PCDHGB7: variants seen among roughly 807,000 people sequenced by gnomAD.
PCDHGB7 encodes the protein protocadherin gamma-B7.
In PCDHGB7, 37 loss-of-function variants were observed where a neutral mutation model predicts 61.4. That is an observed-to-expected ratio of 0.60 (90% CI 0.46 to 0.79). The LOEUF (loss-of-function observed/expected upper bound fraction) is 0.79, where lower values mean the gene tolerates loss of function less well. PCDHGB7 is among the 30% of genes least tolerant of loss of function. The probability of loss-of-function intolerance (pLI) is 0.00; values close to 1 mark genes in which losing one functional copy is unlikely to be tolerated. For missense variants in PCDHGB7, 1,166 were observed against 1,202.5 expected, an observed-to-expected ratio of 0.97 and a Z score of 0.45; for synonymous variants, 464 against 503.5, an observed-to-expected ratio of 0.92 and a Z score of 1.05.
At chr5:141,427,484 T>C (rs766997973) in intron 1 of PCDHGB7, 7 of 539,726 alleles carry the variant, frequency 1.3e-5, no homozygotes, top group Non-Finnish European at 2.5e-5. Context: ...ATAATGACTA[T>C]AAGCTTGTAA....
intron 1 of PCDHGB7, among the ~76,000 whole-genome samples, chr5:141,483,203 A>T (rs940487337): frequency 1.3e-5 from 2 of 152,204 alleles, no homozygotes; most frequent in African/African-American, 2.4e-5. Flanking sequence ...ATTTTATTCC[A>T]TATAGATGAC....
At chr5:141,426,879 G>C (rs1222564201) in intron 1 of PCDHGB7, 3 of 456,710 alleles carry the variant, frequency 6.6e-6, no homozygotes, top group Non-Finnish European at 1.3e-5. Context: ...GAAGCCCCTG[G>C]GCCAGGAGCA....
At position 141,418,250 on chromosome 5, in the gene PCDHGB7, C is replaced by T. The variant is rs375149538; in HGVS notation, c.391C>T (p.Pro131Ser). ...VVIEDVNDHA[P>S]QFRKDEINLE... ...GATTGAGGATGTTAATGACCACGCC[C>T]CTCAATTCCGGAAAGATGAAATAAA... Residue 131 changes from proline to serine, a missense_variant, in exon 1 of 4, where the codon CCT becomes TCT. By Grantham distance (74) the Pro-to-Ser change is moderately conservative. Transcript: ENST00000398594. The T allele has an allele frequency of 2.5e-5, 40 of 1,613,876 alleles. No individual in the cohort carries two copies. The African/African-American group carries it at 3.6e-4, about 15-fold the overall frequency.
At chr5:141,463,438 CTTTTTTTTTTTTTT>C (rs71576115) in intron 1 of PCDHGB7, among the ~76,000 whole-genome samples, 7 of 103,256 alleles carry the variant, frequency 6.8e-5, no homozygotes, top group Non-Finnish European at 9.4e-5. Flanking sequence ...TTTCCTTCTC[CTTTTTTTTTTTTTT>C]TTTTTTTTTT....
rs999687684 is a variant in PCDHGB7 at position 141,431,598 on chromosome 5, C to G, written c.2415+11324C>G. 1 of 1,614,074 alleles carries G rather than the reference C, an allele frequency of 6.2e-7. No individual in the cohort carries two copies. The highest frequency in any genetic ancestry group is 1.3e-5 in the African/African-American group (1 of 74,938). On this transcript the variant is annotated intron_variant, in intron 1 of 3. Transcript: ENST00000398594. This position sits in a 1 kb window ranked among gnomAD's most constrained non-coding sequence, Gnocchi z 4.8. ...GGAGTCAATGCGGAAGTGAGGTATT[C>G]CTTCCGGTATGTGGACGACAAGGCG...
Position 141,432,331 on chromosome 5 carries a change from G to A in PCDHGB7, c.2415+12057G>A, listed in dbSNP as rs763952193. Reference sequence around the variant, plus strand: ...CGCTGAGCTCCTTCGACTACGAGCAGTTCCGAGACTTGCAAGTGAAAGTGA... The same window carrying A: ...CGCTGAGCTCCTTCGACTACGAGCAATTCCGAGACTTGCAAGTGAAAGTGA... On this transcript the variant is annotated intron_variant, in intron 1 of 3. Transcript: ENST00000398594. The surrounding 1 kb of genome is among the most constrained non-coding windows in gnomAD (Gnocchi z 6.0). The A allele has an allele frequency of 1.2e-6, 2 of 1,614,278 alleles. No individual in the cohort carries two copies. Among genetic ancestry groups the A allele is most frequent in the East Asian group, 2.2e-5 (1 of 44,888 alleles).
rs745989563 is a variant in PCDHGB7, at chr5:141,490,728, T to G, written c.2416-4079T>G. The G allele has an allele frequency of 6.2e-7, 1 of 1,614,148 alleles. No individual in the cohort carries two copies. Among genetic ancestry groups the G allele is most frequent in the East Asian group, 2.2e-5 (1 of 44,882 alleles). ...GCCTCACCTACTCCATTGTAGGAAA[T>G]CAGGTTCAGGGAGCCCCAGCCTCCT... On this transcript the variant is annotated intron_variant, in intron 1 of 3. Transcript: ENST00000398594. The surrounding 1 kb of genome is among the most constrained non-coding windows in gnomAD (Gnocchi z 5.4).
chr5:141,504,379 G>T (rs181617363), intron 2 of PCDHGB7, among the ~76,000 whole-genome samples: 1 of 152,088 alleles, frequency 6.6e-6, no homozygotes, highest in African/African-American at 2.4e-5. Context: ...AGGTGGAGTC[G>T]CTGCCTCACA....
chr5:141,427,960 G>T (rs759698390), intron 1 of PCDHGB7: 2 of 1,589,168 alleles, frequency 1.3e-6, no homozygotes, highest in Non-Finnish European at 1.7e-6. Context: ...AATGTGCCGC[G>T]GGTGCTGTAC....
chr5:141,433,354 T>TCTGC, intron 1 of PCDHGB7: 2 of 602,322 alleles, frequency 3.3e-6, no homozygotes, highest in South Asian at 2.1e-5. Context: ...CCACCTACTG[T>TCTGC]CTGCCTATCT....
Position 141,431,431 on chromosome 5 carries a change from C to T in PCDHGB7, c.2415+11157C>T, listed in dbSNP as rs776557037. ...ACGGGGGCGACCCGGTGCGCACAGG[C>T]ACCGCGCGCATCCGCGTGATGGTTC... is the stretch of plus-strand genomic sequence containing the variant. On this transcript the variant is annotated intron_variant, in intron 1 of 3. Transcript: ENST00000398594. This position sits in a 1 kb window ranked among gnomAD's most constrained non-coding sequence, Gnocchi z 4.8. 11 of 1,613,586 alleles carry T rather than the reference C, an allele frequency of 6.8e-6. No individual in the cohort carries two copies. The East Asian group carries it at 1.1e-4, about 16-fold the overall frequency.
chr5:141,478,399 T>C, intron 1 of PCDHGB7: 1 of 1,613,514 alleles, frequency 6.2e-7, no homozygotes, highest in South Asian at 1.1e-5. Flanking sequence ...ATCAGGTGTA[T>C]CTCACCACGG....
chr5:141,455,759 A>G (rs1013283124), intron 1 of PCDHGB7, among the ~76,000 whole-genome samples: 4 of 152,300 alleles, frequency 2.6e-5, no homozygotes, highest in South Asian at 4.1e-4. Context: ...CCTGGCTCCT[A>G]GAGCCGGGGC....
chr5:141,457,417 CT>C lies in PCDHGB7; in HGVS notation c.2415+37148del, dbSNP rs894846890. On this transcript the variant is annotated intron_variant, in intron 1 of 3. Transcript: ENST00000398594. ...ATTCACATTTTCACATTACCCATCC[CT>C]TTTTCCCCCCCACCAAGCTGCAGAA... Among the ~76,000 whole-genome samples, 3 of 152,296 alleles carry C rather than the reference CT, an allele frequency of 2.0e-5. No individual in the cohort carries two copies. In the South Asian group the frequency reaches 6.2e-4, roughly 32 times the overall value.
chr5:141,483,432 ACT>A (rs2099581241), intron 1 of PCDHGB7, among the ~76,000 whole-genome samples: 1 of 152,200 alleles, frequency 6.6e-6, no homozygotes, highest in African/African-American at 2.4e-5. Flanking sequence ...GAGGGAGCTG[ACT>A]ACAATAAAAT....
Position 141,491,140 on chromosome 5 carries a change from T to A in PCDHGB7, c.2416-3667T>A, listed in dbSNP as rs1392575961. On this transcript the variant is annotated intron_variant, in intron 1 of 3. Coordinates refer to ENST00000398594, the MANE Select transcript of PCDHGB7 (RefSeq NM_018927.4). This position sits in a 1 kb window ranked among gnomAD's most constrained non-coding sequence, Gnocchi z 6.9. ...TGGTGAGGTGCGCACAGCCCGGGCC[T>A]TACTGGAGGATGACTCTGACACCCA... 2 of 1,614,110 alleles carry A rather than the reference T, an allele frequency of 1.2e-6. No individual in the cohort carries two copies. Among genetic ancestry groups the A allele is most frequent in the Non-Finnish European group, 1.7e-6 (2 of 1,179,992 alleles).
chr5:141,506,760 G>A (rs1018086132), intron 3 of PCDHGB7, among the ~76,000 whole-genome samples: 1 of 152,128 alleles, frequency 6.6e-6, no homozygotes, highest in Non-Finnish European at 1.5e-5. Context: ...CTAGCTTCTG[G>A]AGCAGCAAAT....
chr5:141,468,677 T>A (rs545029270), intron 1 of PCDHGB7: 1 of 150,902 alleles, frequency 6.6e-6, no homozygotes, highest in African/African-American at 2.4e-5. Flanking sequence ...CCATCCTGGC[T>A]AACACGGTGA....
At chr5:141,467,630 T>A (rs1483747040) in intron 1 of PCDHGB7, among the ~76,000 whole-genome samples, 2 of 152,194 alleles carry the variant, frequency 1.3e-5, no homozygotes, top group African/African-American at 4.8e-5. Flanking sequence ...TGAGATAGCA[T>A]CTTTATCATG....
Sources: gnomAD v4.1 joint callset for allele counts (sites outside exome capture counted in the v4.1 genomes callset) on GRCh38, gnomAD v4.1.1 for gene constraint, Gnocchi (gnomAD v3.1) non-coding constraint, MANE v1.5 for transcripts, NCBI Gene and HGNC (gene_info 2026-07-23, HGNC 2026-07-21) for gene names.